The following EXOC4 variants were observed in gnomAD, a reference collection of about 807,000 sequenced individuals.
EXOC4 encodes SEC8-like 1.
A neutral mutation model predicts 107.2 loss-of-function variants in EXOC4; 71 were observed. That is an observed-to-expected ratio of 0.66 (90% CI 0.55 to 0.81). The LOEUF is 0.81. EXOC4 is among the 30% of genes least tolerant of loss of function. The pLI is 0.00. For missense variants in EXOC4, 1,108 were observed against 1,189.6 expected (o/e 0.93, Z 1.01); for synonymous variants, 456 against 441.2 (o/e 1.03, Z -0.42).
At chr7:133,762,063 T>C (rs1299826659) in intron 10 of EXOC4, among the ~76,000 whole-genome samples, 1 of 152,166 alleles carries the variant, frequency 6.6e-6, no homozygotes, top group Admixed American at 6.5e-5. Context: ...TTAAATGTCA[T>C]TGGGTACTTG....
At chr7:133,379,786 C>T (rs1389083122) in intron 7 of EXOC4, among the ~76,000 whole-genome samples, 1 of 152,006 alleles carries the variant, frequency 6.6e-6, no homozygotes, top group Non-Finnish European at 1.5e-5. Flanking sequence ...ATCATGTCTT[C>T]CCTAACTCTG....
chr7:134,066,406 A>C (rs1162695433), downstream of EXOC4: 2 of 152,170 alleles, frequency 1.3e-5, no homozygotes, highest in Non-Finnish European at 2.9e-5. Context: ...AGCCCTGAGA[A>C]CCAACCAAAA....
intron 10 of EXOC4, among the ~76,000 whole-genome samples, chr7:133,758,916 G>A (rs1795975483): frequency 6.6e-6 from 1 of 152,144 alleles, no homozygotes; most frequent in Non-Finnish European, 1.5e-5. Context: ...AAGAATTCAA[G>A]TGCTTTGGCA....
chr7:134,054,683 C>T (rs1353755174), intron 17 of EXOC4, among the ~76,000 whole-genome samples: 1 of 152,160 alleles, frequency 6.6e-6, no homozygotes, highest in African/African-American at 2.4e-5. Context: ...AGCCTGTGTC[C>T]TATCGAGGGT....
chr7:134,067,877 G>A (rs556223777), downstream of EXOC4, among the ~76,000 whole-genome samples: 20 of 151,970 alleles, frequency 1.3e-4, no homozygotes, highest in Admixed American at 2.0e-4. Context: ...CATCCTAGGC[G>A]GTGTTTTTAT....
intron 7 of EXOC4, among the ~76,000 whole-genome samples, chr7:133,377,532 A>G (rs1413634360): frequency 6.6e-6 from 1 of 152,196 alleles, no homozygotes; most frequent in East Asian, 1.9e-4. Context: ...AATATCTTCA[A>G]GGATATTATG....
At chr7:133,926,611 CCT>C (rs937589068) in intron 13 of EXOC4, among the ~76,000 whole-genome samples, 23 of 152,026 alleles carry the variant, frequency 1.5e-4, no homozygotes, top group African/African-American at 5.3e-4. Context: ...GTCTTATTTT[CCT>C]CTGATTTATA....
intron 12 of EXOC4, among the ~76,000 whole-genome samples, chr7:133,911,266 A>C (rs1309419864): frequency 6.6e-6 from 1 of 152,288 alleles, no homozygotes; most frequent in East Asian, 1.9e-4. Context: ...TTTTGAGGCT[A>C]TTTGGATATG....
intron 6 of EXOC4, among the ~76,000 whole-genome samples, chr7:133,358,847 T>C (rs1375881023): frequency 6.6e-6 from 1 of 151,984 alleles, no homozygotes; most frequent in Non-Finnish European, 1.5e-5. Flanking sequence ...GCACTAGAAG[T>C]ATAATAGAAA....
At chr7:133,880,034 A>G (rs1331066041) in intron 11 of EXOC4, among the ~76,000 whole-genome samples, 1 of 152,064 alleles carries the variant, frequency 6.6e-6, no homozygotes, top group Non-Finnish European at 1.5e-5. Context: ...CTCATCCTTC[A>G]TCCCCAGCCT....
intron 10 of EXOC4, among the ~76,000 whole-genome samples, chr7:133,680,358 A>G (rs1043315726): frequency 6.6e-6 from 1 of 152,216 alleles, no homozygotes; most frequent in Non-Finnish European, 1.5e-5. Flanking sequence ...AAAAATATCT[A>G]AAATAAAGAA....
At chr7:133,700,313 TA>T (rs909724007) in intron 10 of EXOC4, among the ~76,000 whole-genome samples, 30 of 152,300 alleles carry the variant, frequency 2.0e-4, no homozygotes, top group African/African-American at 6.5e-4. Flanking sequence ...CTTGAGGGAC[TA>T]TTTTTTTTTA....
chr7:133,404,045 AT>A (rs1165697647), intron 7 of EXOC4, among the ~76,000 whole-genome samples: 3 of 152,130 alleles, frequency 2.0e-5, no homozygotes, highest in African/African-American at 7.2e-5. Context: ...ATTCTGATAT[AT>A]TCTCCATAGT....
At chr7:133,326,055 A>AAG (rs1238512398) in intron 5 of EXOC4, among the ~76,000 whole-genome samples, 4 of 152,166 alleles carry the variant, frequency 2.6e-5, no homozygotes, top group African/African-American at 9.7e-5. Context: ...CATGTTTTTC[A>AAG]GCTCCATCAG....
rs113975654 is a variant in EXOC4 at position 133,499,187 on chromosome 7, G to A, written c.1417+19049G>A. Among the ~76,000 whole-genome samples the A allele has an allele frequency of 4.6e-3, 694 of 149,632 alleles. 9 individuals carry two copies. Among genetic ancestry groups the A allele is most frequent in the African/African-American group, 0.016 (648 of 40,832 alleles). ...CACATGGCATACTTACAATTATTCA[G>A]TTGGCATACTTAGTAATTTAATTAT... On this transcript the variant is annotated intron_variant, in intron 9 of 17. Transcript: ENST00000253861.
At position 133,263,996 on chromosome 7, in the gene EXOC4, GT is replaced by G. The variant is rs574575172; in HGVS notation, c.86+10812del. On this transcript the variant is annotated intron_variant, in intron 1 of 17. Coordinates refer to ENST00000253861, the MANE Select transcript of EXOC4 (RefSeq NM_021807.4). ...ACCTCTTAATTTTTTGTAAAACATT[GT>G]TTCTGAGGAACTCACCAGAAAAGAA... is the stretch of plus-strand genomic sequence containing the variant. 1.1e-4 allele frequency among the ~76,000 whole-genome samples: 16 copies of G among 152,138 alleles called. No homozygotes were observed. In the South Asian group the frequency reaches 3.1e-3, roughly 30 times the overall value.
At chr7:133,941,642 A>G (rs1018172752) in intron 14 of EXOC4, among the ~76,000 whole-genome samples, 3 of 152,094 alleles carry the variant, frequency 2.0e-5, no homozygotes, top group African/African-American at 7.2e-5. Context: ...CTCCTCTGGT[A>G]TTCTCCCCTC....
chr7:133,967,421 G>A (rs548820888), intron 14 of EXOC4, among the ~76,000 whole-genome samples: 15 of 152,058 alleles, frequency 9.9e-5, no homozygotes, highest in Non-Finnish European at 2.1e-4. Flanking sequence ...TGTGATGTTA[G>A]GGTCTCAATT....
At chr7:133,873,699 G>A (rs937586133) in intron 11 of EXOC4, among the ~76,000 whole-genome samples, 7 of 152,074 alleles carry the variant, frequency 4.6e-5, no homozygotes, top group East Asian at 1.9e-4. Flanking sequence ...AGCTATATTC[G>A]TCCATATTTT....
Sources: gnomAD v4.1 joint callset for allele counts (sites outside exome capture counted in the v4.1 genomes callset) on GRCh38, gnomAD v4.1.1 for gene constraint, MANE v1.5 for transcripts, NCBI Gene and HGNC (gene_info 2026-07-23, HGNC 2026-07-21) for gene names.